PDCD10: variants seen among roughly 807,000 people sequenced by gnomAD.
PDCD10 encodes programmed cell death 10.
Under a neutral mutation model 29.2 loss-of-function variants are expected in PDCD10, and 4 were observed. That is an observed-to-expected ratio of 0.14 (90% CI 0.07 to 0.31). The LOEUF (loss-of-function observed/expected upper bound fraction) is 0.31, where lower values mean the gene tolerates loss of function less well. PDCD10 is among the 10% of genes least tolerant of loss of function. PDCD10 has a pLI of 1.00. For synonymous variants in PDCD10, 70 were observed against 82.2 expected (o/e 0.85, Z 0.80); for missense variants, 183 against 257.9 (o/e 0.71, Z 1.99).
At chr3:167,688,777 TTACTAA>T (rs1281775391) in intron 6 of PDCD10, among the ~76,000 whole-genome samples, 4 of 152,154 alleles carry the variant, frequency 2.6e-5, no homozygotes, top group Non-Finnish European at 4.4e-5. Context: ...TAACATTTTA[TTACTAA>T]TACTAATTAC....
rs1577365719 is a variant in PDCD10 at position 167,720,114 on chromosome 3, G to C, written c.44C>G (p.Thr15Arg). Reference sequence around the variant, plus strand: ...ATAGAGGGGCATAGAAACCATGGATGTGGTCTCAGCTTCATTCTTCATCTC... The same window carrying C: ...ATAGAGGGGCATAGAAACCATGGATCTGGTCTCAGCTTCATTCTTCATCTC... Reference protein sequence around the residue: ...MEEMKNEAETTSMVSMPLYAV... With the variant: ...MEEMKNEAETRSMVSMPLYAV... The change falls in exon 3 of 9, where the codon ACA (threonine) becomes AGA (arginine). Residue 15 changes from threonine to arginine, a missense_variant. Transcript: ENST00000392750. 6.2e-7 allele frequency: 1 copy of C among 1,612,600 alleles called. No individual in the cohort carries two copies. Among genetic ancestry groups the C allele is most frequent in the East Asian group, 2.2e-5 (1 of 44,820 alleles).
intron 4 of PDCD10, among the ~76,000 whole-genome samples, chr3:167,701,787 G>C (rs564924663): frequency 6.6e-6 from 1 of 152,110 alleles, no homozygotes; most frequent in Non-Finnish European, 1.5e-5. Context: ...AAAACCCATC[G>C]AGCCTAAAAC....
intron 2 of PDCD10, among the ~76,000 whole-genome samples, chr3:167,721,237 GC>G (rs1723526813): frequency 1.3e-5 from 2 of 151,980 alleles, no homozygotes; most frequent in Non-Finnish European, 2.9e-5. Context: ...ATAATAACTT[GC>G]TTTAAAAAAC....
intron 3 of PDCD10, among the ~76,000 whole-genome samples, chr3:167,719,241 T>C (rs1723334932): frequency 6.6e-6 from 1 of 152,050 alleles, no homozygotes; most frequent in South Asian, 2.1e-4. Context: ...TAAAGGCAAA[T>C]TAGATTAATA....
chr3:167,720,357 G>T, intron 2 of PDCD10, 84 bp from the exon 3 acceptor site: 1 of 553,004 alleles, frequency 1.8e-6, no homozygotes, highest in Non-Finnish European at 3.2e-6. Flanking sequence ...CCAAATTACA[G>T]AGTTCCTATT....
intron 3 of PDCD10, among the ~76,000 whole-genome samples, chr3:167,709,435 G>A (rs1031695803): frequency 7.2e-5 from 11 of 152,146 alleles, no homozygotes; most frequent in African/African-American, 2.7e-4. Flanking sequence ...TGGGTGGAGA[G>A]AGCACAGCAA....
At chr3:167,719,327 G>T (rs1027756077) in intron 3 of PDCD10, among the ~76,000 whole-genome samples, 1 of 152,044 alleles carries the variant, frequency 6.6e-6, no homozygotes, top group African/African-American at 2.4e-5. Flanking sequence ...GATTTGATTT[G>T]TTATAGGTAA....
intron 3 of PDCD10, among the ~76,000 whole-genome samples, chr3:167,719,776 A>G (rs62278329): frequency 1.3e-3 from 191 of 151,898 alleles, no homozygotes; most frequent in Non-Finnish European, 2.1e-3. Context: ...TTCTTAACAT[A>G]CTCTGCTTTT....
At chr3:167,724,558 C>T (rs1028005569) in intron 2 of PDCD10, among the ~76,000 whole-genome samples, 1 of 152,100 alleles carries the variant, frequency 6.6e-6, no homozygotes, top group African/African-American at 2.4e-5. Context: ...GTCAGCATAG[C>T]GGGCACATAA....
At chr3:167,702,285 C>A (rs1007691295) in intron 4 of PDCD10, among the ~76,000 whole-genome samples, 1 of 152,128 alleles carries the variant, frequency 6.6e-6, no homozygotes, top group African/African-American at 2.4e-5. Context: ...TCCTCCTCAG[C>A]GTATTCAATG....
chr3:167,730,294 A>G (rs527490342), intron 2 of PDCD10, among the ~76,000 whole-genome samples: 1 of 152,276 alleles, frequency 6.6e-6, no homozygotes, highest in South Asian at 2.1e-4. Flanking sequence ...CATAGATAAC[A>G]ATGACATTTA....
chr3:167,695,665 G>T lies in PDCD10; in HGVS notation c.326C>A (p.Ala109Glu). Residue 109 changes from alanine (A) to glutamate (E), a missense_variant, in exon 6 of 9, where the codon GCA (alanine) becomes GAA (glutamate). Physicochemically the swap from Ala to Glu is moderately radical, Grantham distance 107. Transcript: ENST00000392750. ...GATCTTACTGAGAATTTGTTTAAGT[G>T]CTCGTGCCTTTTCGTTTAGGTCTTG... ...EFQDLNEKAR[A>E]LKQILSKIPD... 2.5e-6 allele frequency: 4 copies of T among 1,612,698 alleles called. No homozygotes were observed. The highest frequency in any genetic ancestry group is 3.4e-6 in the Non-Finnish European group (4 of 1,178,752).
chr3:167,696,177 T>C lies in PDCD10; in HGVS notation c.269-455A>G, dbSNP rs139064170. Among the ~76,000 whole-genome samples, 267 of 152,304 alleles carry C rather than the reference T, an allele frequency of 1.8e-3. 9 individuals carry two copies. The highest frequency in any genetic ancestry group is 0.014 in the Admixed American group (209 of 15,296). ...ATATTTAATATACATTGCTTCATCA[T>C]ATTAAAACCCCAAATAATCTAATAA... is the stretch of plus-strand genomic sequence containing the variant. On this transcript the variant is annotated intron_variant, in intron 5 of 8. Transcript: ENST00000392750.
Position 167,697,135 on chromosome 3 carries a change from A to C in PDCD10, c.151-9T>G. ...GGATTTTCTTTTTCAGCCTATAATAAAGAGAAAACTAGTTTTGAAATACAG... is the reference window on the plus strand; with the variant it reads ...GGATTTTCTTTTTCAGCCTATAATACAGAGAAAACTAGTTTTGAAATACAG... On this transcript the variant is annotated splice_polypyrimidine_tract_variant and intron_variant, in intron 4 of 8. Coordinates refer to ENST00000392750, the MANE Select transcript of PDCD10 (RefSeq NM_007217.4). The C allele has an allele frequency of 2.2e-6, 3 of 1,387,538 alleles. No homozygotes were observed. The highest frequency in any genetic ancestry group is 3.1e-6 in the Non-Finnish European group (3 of 974,688). 86.0% of individuals were successfully genotyped at this position (1,387,538 alleles called of 1,614,324 possible).
intron 2 of PDCD10, among the ~76,000 whole-genome samples, chr3:167,731,459 A>T (rs1054570629): frequency 6.6e-6 from 1 of 152,234 alleles, no homozygotes; most frequent in Non-Finnish European, 1.5e-5. Context: ...TGACTCCTTT[A>T]CATATAACCT....
intron 6 of PDCD10, among the ~76,000 whole-genome samples, chr3:167,690,429 CAAAT>C (rs933905897): frequency 1.3e-5 from 2 of 152,140 alleles, no homozygotes; most frequent in African/African-American, 4.8e-5. Context: ...TAACTTAAAA[CAAAT>C]AAACCTTGCT....
intron 2 of PDCD10, among the ~76,000 whole-genome samples, chr3:167,732,405 C>T (rs1724915807): frequency 6.6e-6 from 1 of 152,146 alleles, no homozygotes; most frequent in Admixed American, 6.5e-5. Context: ...CATAAGGCTC[C>T]TGCAAAGTTC....
intron 4 of PDCD10, among the ~76,000 whole-genome samples, chr3:167,699,476 C>A (rs1721153954): frequency 6.6e-6 from 1 of 152,198 alleles, no homozygotes; most frequent in Non-Finnish European, 1.5e-5. Context: ...TGGCTAAAAA[C>A]CTGGTTAAGC....
intron 8 of PDCD10, among the ~76,000 whole-genome samples, chr3:167,685,698 C>T (rs2108368389): frequency 6.6e-6 from 1 of 152,116 alleles, no homozygotes; most frequent in East Asian, 1.9e-4. Context: ...GTGCTTATTC[C>T]ATAATAGTAA....
Sources: allele counts gnomAD v4.1 joint callset (sites outside exome capture counted in the v4.1 genomes callset), GRCh38; gene constraint gnomAD v4.1.1; transcripts MANE v1.5; gene names NCBI Gene and HGNC (gene_info 2026-07-23, HGNC 2026-07-21).